The following ATP2B3 variants were observed in gnomAD, a reference collection of about 807,000 sequenced individuals.
ATP2B3 encodes the protein ATPase plasma membrane Ca2+ transporting 3, also known as plasma membrane calcium-transporting ATPase 3.
Under a neutral mutation model 70.8 loss-of-function variants are expected in ATP2B3, and 12 were observed. The observed-to-expected ratio is 0.17, with a 90% CI of 0.11 to 0.27. The LOEUF (loss-of-function observed/expected upper bound fraction) is 0.27, where lower values mean the gene tolerates loss of function less well. Among genes scored for constraint, ATP2B3 ranks in the 10% least tolerant of loss-of-function variants. The pLI is 1.00. For synonymous variants in ATP2B3, 460 were observed against 497.8 expected, an observed-to-expected ratio of 0.92 and a Z score of 1.01; for missense variants, 858 against 1,118.5, an observed-to-expected ratio of 0.77 and a Z score of 3.32.
intron 21 of ATP2B3, among the ~76,000 whole-genome samples, chrX:153,577,618 G>A (rs892546848): frequency 1.8e-5 from 2 of 112,113 alleles, no homozygotes; most frequent in Non-Finnish European, 3.8e-5. Context: ...CAATTTCTGT[G>A]TTACCCCTAA....
In ATP2B3 at chrX:153,565,081, G is replaced by A. The variant is rs397514619; in HGVS notation, c.3320G>A (p.Gly1107Asp). 2 of 1,190,572 alleles carry A rather than the reference G, an allele frequency of 1.7e-6. No homozygotes were observed. The highest frequency in any genetic ancestry group is 4.6e-5 in the Admixed American group (2 of 43,334). The change falls in exon 21 of 22, where the codon GGC (glycine) becomes GAC (aspartate). Residue 1107 changes from glycine to aspartate, a missense_variant. By Grantham distance (94) the Gly-to-Asp change is moderately conservative. Coordinates refer to ENST00000263519, the MANE Select transcript of ATP2B3 (RefSeq NM_001001344.3). ...AGGGGCCAGATCCTCTGGTTCCGGGGCCTGAACCGGATTCAGACGCAGGTA... is the reference window on the plus strand; with the variant it reads ...AGGGGCCAGATCCTCTGGTTCCGGGACCTGAACCGGATTCAGACGCAGGTA... ...LRRGQILWFR[G>D]LNRIQTQIRV...
Position 153,580,410 on chromosome X carries a change from A to G in ATP2B3, c.*112A>G. 1 of 812,142 alleles carries G rather than the reference A, an allele frequency of 1.2e-6. No homozygotes were observed. 66.9% of individuals were successfully genotyped at this position (812,142 alleles called of 1,213,427 possible). A position where few individuals can be genotyped will look rare whatever the true frequency, so the allele number is the denominator to read the frequency against. On this transcript the variant is annotated 3_prime_UTR_variant, in exon 22 of 22. Coordinates refer to ENST00000263519, the MANE Select transcript of ATP2B3 (RefSeq NM_001001344.3). ...GACCTGCACACCTGCAAAACGAGGG[A>G]ACAACTAAGGTGGCTGAAGACCTTT...
chrX:153,563,064 G>A (rs1557016920), intron 20 of ATP2B3, among the ~76,000 whole-genome samples: 1 of 105,984 alleles, frequency 9.4e-6, no homozygotes, highest in Non-Finnish European at 1.9e-5. Flanking sequence ...TCCAAATCCA[G>A]CCACACTGGG....
At chrX:153,559,707 G>T (rs781894386) in intron 17 of ATP2B3, 22 bp from the exon 18 acceptor site, 5 of 1,199,647 alleles carry the variant, frequency 4.2e-6, no homozygotes, top group Non-Finnish European at 5.6e-6. Flanking sequence ...CCCATGGAAA[G>T]GTGACTGCCT....
At chrX:153,566,712 C>G (rs1025341731) in intron 21 of ATP2B3, among the ~76,000 whole-genome samples, 1 of 110,729 alleles carries the variant, frequency 9.0e-6, no homozygotes, top group African/African-American at 3.3e-5. Context: ...GGTGTCACCC[C>G]AACCTTCCTG....
chrX:153,552,784 G>A (rs1473008427), intron 12 of ATP2B3, among the ~76,000 whole-genome samples: 1 of 112,562 alleles, frequency 8.9e-6, no homozygotes, highest in African/African-American at 3.2e-5. Context: ...ATCTCAGAGA[G>A]GATGCATCCT....
intron 2 of ATP2B3, among the ~76,000 whole-genome samples, chrX:153,534,357 G>A (rs1281228147): frequency 8.0e-5 from 9 of 112,066 alleles, no homozygotes; most frequent in Non-Finnish European, 1.7e-4. Flanking sequence ...AGGGCAATTC[G>A]TCCACACAGC....
intron 3 of ATP2B3, 45 bp from the exon 4 acceptor site, chrX:153,541,314 G>A (rs373251021): frequency 1.4e-5 from 17 of 1,205,519 alleles, no homozygotes; most frequent in Non-Finnish European, 1.8e-5. Flanking sequence ...AGGCCGACCC[G>A]TCCCATCCCA....
intron 9 of ATP2B3, 137 bp downstream of exon 9, chrX:153,548,136 G>GCA: frequency 1.1e-6 from 1 of 885,143 alleles, no homozygotes; most frequent in Non-Finnish European, 1.5e-6. Context: ...GCAGGCAAGG[G>GCA]CACAGGCCAG....
intron 2 of ATP2B3, among the ~76,000 whole-genome samples, chrX:153,530,828 G>A (rs1374849081): frequency 2.7e-5 from 3 of 111,984 alleles, no homozygotes; most frequent in African/African-American, 9.7e-5. Context: ...GGGGGCAGAG[G>A]GGGAGCCTGT....
Position 153,550,088 on chromosome X carries a change from A to G in ATP2B3, c.1625A>G (p.Lys542Arg). Reference sequence around the variant, plus strand: ...GCCCTCCCACGCCAGGTGGGCAATAAGACGGAGTGCGCCCTGCTGGGCTTC... The same window carrying G: ...GCCCTCCCACGCCAGGTGGGCAATAGGACGGAGTGCGCCCTGCTGGGCTTC... ...EGALPRQVGN[K>R]TECALLGFVL... The change falls in exon 12 of 22, where the codon AAG becomes AGG. Residue 542 changes from lysine (K) to arginine (R), a missense_variant. Coordinates refer to ENST00000263519, the MANE Select transcript of ATP2B3 (RefSeq NM_001001344.3). 1 of 1,212,283 alleles carries G rather than the reference A, an allele frequency of 8.2e-7. No individual in the cohort carries two copies. Among genetic ancestry groups the G allele is most frequent in the Non-Finnish European group, 1.1e-6 (1 of 895,462 alleles).
At chrX:153,537,709 C>T (rs1557004768) in intron 3 of ATP2B3, among the ~76,000 whole-genome samples, 3 of 112,439 alleles carry the variant, frequency 2.7e-5, no homozygotes, top group African/African-American at 9.7e-5. Flanking sequence ...GCATCTCTTG[C>T]CTTCCCTCCT....
In ATP2B3 at chrX:153,553,862, G is replaced by A. The variant is rs782638709; in HGVS notation, c.2058+593G>A. 3.5e-5 allele frequency among the ~76,000 whole-genome samples: 4 copies of A among 113,055 alleles called. 1 individual carries two copies. In the Admixed American group the frequency reaches 3.7e-4, roughly 10 times the overall value. ...ACCCTGGAGAGTGTGGAGGATGGCC[G>A]GCCCCGGAGGGAGAATGCAAGGCAT... On this transcript the variant is annotated intron_variant, in intron 13 of 21. Coordinates refer to ENST00000263519, the MANE Select transcript of ATP2B3 (RefSeq NM_001001344.3).
rs781875444 is a variant in ATP2B3 at position 153,542,309 on chromosome X, T to C, written c.665-14T>C. On this transcript the variant is annotated splice_polypyrimidine_tract_variant and intron_variant, in intron 5 of 21. Coordinates refer to ENST00000263519, the MANE Select transcript of ATP2B3 (RefSeq NM_001001344.3). Reference sequence around the variant, plus strand: ...GGCGGTGGGGAGAAAGGCCTCTGCTTCCCGGTGCTCTAGGCGACCTGCTGC... The same window carrying C: ...GGCGGTGGGGAGAAAGGCCTCTGCTCCCCGGTGCTCTAGGCGACCTGCTGC... 1 of 1,210,125 alleles carries C rather than the reference T, an allele frequency of 8.3e-7. No homozygotes were observed. The highest frequency in any genetic ancestry group is 3.0e-5 in the East Asian group (1 of 33,811).
At chrX:153,518,843 G>C (rs1421757518) in intron 2 of ATP2B3, among the ~76,000 whole-genome samples, 7 of 112,163 alleles carry the variant, frequency 6.2e-5, no homozygotes, top group Non-Finnish European at 1.1e-4. Flanking sequence ...TTCCTGGCGA[G>C]GTCATATAAC....
chrX:153,554,694 G>T (rs2090508886), intron 13 of ATP2B3, among the ~76,000 whole-genome samples: 1 of 112,984 alleles, frequency 8.9e-6, no homozygotes, highest in South Asian at 3.6e-4. Flanking sequence ...GGCCCGTGAG[G>T]CTGGGCCCTG....
At chrX:153,557,369 G>T (rs781840098) in intron 16 of ATP2B3, among the ~76,000 whole-genome samples, 1 of 112,292 alleles carries the variant, frequency 8.9e-6, no homozygotes, top group South Asian at 3.7e-4. Context: ...AGAGTCCCCA[G>T]ATGTGCTCTT....
chrX:153,562,814 A>G (rs2090644329), intron 20 of ATP2B3, among the ~76,000 whole-genome samples: 2 of 112,378 alleles, frequency 1.8e-5, no homozygotes, highest in African/African-American at 6.5e-5. Flanking sequence ...TGGGAGGCTT[A>G]GACAACAGAC....
At chrX:153,542,215 G>A in intron 5 of ATP2B3, 108 bp from the exon 6 acceptor site, 1 of 1,101,093 alleles carries the variant, frequency 9.1e-7, no homozygotes. Context: ...GAAGGAGGAG[G>A]GCTCCTGAGT....
Sources: gnomAD v4.1 joint callset for allele counts (sites outside exome capture counted in the v4.1 genomes callset) on GRCh38, gnomAD v4.1.1 for gene constraint, MANE v1.5 for transcripts, NCBI Gene and HGNC (gene_info 2026-07-23, HGNC 2026-07-21) for gene names.